AGBL1: variants seen among roughly 807,000 people sequenced by gnomAD.
AGBL1 encodes the protein AGBL carboxypeptidase 1, also known as cytosolic carboxypeptidase 4.
A neutral mutation model predicts 118.9 loss-of-function variants in AGBL1; 130 were observed. That is an observed-to-expected ratio of 1.09 (90% confidence interval 0.95 to 1.26). The LOEUF (loss-of-function observed/expected upper bound fraction) is 1.26. AGBL1 is among the 50% of genes most tolerant of loss of function. The probability of loss-of-function intolerance (pLI) is 0.00; values close to 1 mark genes in which losing one functional copy is unlikely to be tolerated. For synonymous variants in AGBL1, 555 were observed against 478.9 expected (o/e 1.16, Z -2.08); for missense variants, 1,584 against 1,298.1 (o/e 1.22, Z -3.38).
At chr15:86,136,832 A>G (rs944851053) in intron 1 of AGBL1, among the ~76,000 whole-genome samples, 3 of 152,208 alleles carry the variant, frequency 2.0e-5, no homozygotes, top group Non-Finnish European at 2.9e-5. Flanking sequence ...GGAGTGACAC[A>G]TTCAAAACAG....
At chr15:86,255,956 G>T (rs1439920704) in intron 7 of AGBL1, among the ~76,000 whole-genome samples, 2 of 152,164 alleles carry the variant, frequency 1.3e-5, no homozygotes, top group Non-Finnish European at 2.9e-5. Flanking sequence ...ACCCTGTGGT[G>T]TGTACCTAGC....
intron 23 of AGBL1, among the ~76,000 whole-genome samples, chr15:86,954,961 T>A (rs190891633): frequency 6.6e-6 from 1 of 152,320 alleles, no homozygotes; most frequent in East Asian, 1.9e-4. Flanking sequence ...TCTTTACTTA[T>A]ATATCTTTAA....
intron 23 of AGBL1, among the ~76,000 whole-genome samples, chr15:86,928,355 C>A (rs1034365011): frequency 6.6e-6 from 1 of 152,108 alleles, no homozygotes; most frequent in Non-Finnish European, 1.5e-5. Context: ...CCAGGGAGGA[C>A]CTGGCCTAAG....
chr15:86,109,583 TAAAG>T (rs1897244460), intron 1 of AGBL1, among the ~76,000 whole-genome samples: 2 of 151,976 alleles, frequency 1.3e-5, no homozygotes, highest in Non-Finnish European at 2.9e-5. Flanking sequence ...TACTGACAAT[TAAAG>T]AAAAATTTCT....
Position 86,812,149 on chromosome 15 carries a change from G to A in AGBL1, c.3159-94938G>A, listed in dbSNP as rs141802524. On this transcript the variant is annotated intron_variant, in intron 22 of 22. Coordinates refer to ENST00000614907, the MANE Select transcript of AGBL1 (RefSeq NM_001386094.1). ...CCTAGCCTAGTATGACAATGTGTGC[G>A]CTTACTTTTTATTTTTCATATTTTC... is the stretch of plus-strand genomic sequence containing the variant. Among the ~76,000 whole-genome samples the A allele has an allele frequency of 2.0e-3, 309 of 152,226 alleles. 1 individual carries two copies. The highest frequency in any genetic ancestry group is 6.5e-3 in the African/African-American group (271 of 41,538).
chr15:86,769,090 C>T (rs968400503), intron 22 of AGBL1, among the ~76,000 whole-genome samples: 1 of 151,542 alleles, frequency 6.6e-6, no homozygotes, highest in East Asian at 2.0e-4. Context: ...CCAGTGAGGG[C>T]TTGATGGGAC....
At chr15:86,205,137 C>G (rs1004980473) in intron 5 of AGBL1, among the ~76,000 whole-genome samples, 1 of 152,164 alleles carries the variant, frequency 6.6e-6, no homozygotes, top group Non-Finnish European at 1.5e-5. Flanking sequence ...TTCCTTTAAC[C>G]CCAGGCAACC....
At chr15:86,101,734 T>G (rs993372111) in intron 1 of AGBL1, among the ~76,000 whole-genome samples, 6 of 152,120 alleles carry the variant, frequency 3.9e-5, no homozygotes, top group Admixed American at 3.9e-4. Context: ...TATATTTTTC[T>G]ATCCCCTGAC....
intron 1 of AGBL1, among the ~76,000 whole-genome samples, chr15:86,124,097 A>AGC (rs1464937747): frequency 6.6e-6 from 1 of 152,156 alleles, no homozygotes; most frequent in Non-Finnish European, 1.5e-5. Flanking sequence ...TGGGAGGCCG[A>AGC]GGCAGGCAGA....
intron 17 of AGBL1, among the ~76,000 whole-genome samples, chr15:86,356,672 A>G (rs2080726141): frequency 6.6e-6 from 1 of 152,176 alleles, no homozygotes; most frequent in South Asian, 2.1e-4. Flanking sequence ...GGAAGGAAGT[A>G]AGAAGCAGGG....
intron 6 of AGBL1, among the ~76,000 whole-genome samples, chr15:86,226,663 A>C (rs1179379672): frequency 6.6e-6 from 1 of 152,230 alleles, no homozygotes; most frequent in Non-Finnish European, 1.5e-5. Flanking sequence ...ATTCAGGCTC[A>C]GACCGTGTAG....
chr15:86,605,689 G>GT (rs2084565312), intron 21 of AGBL1, among the ~76,000 whole-genome samples: 2 of 152,214 alleles, frequency 1.3e-5, no homozygotes, highest in Middle Eastern at 3.4e-3. Context: ...TTGAAGCCAG[G>GT]TTTTGATTTT....
intron 18 of AGBL1, among the ~76,000 whole-genome samples, chr15:86,424,801 A>G (rs2081843732): frequency 6.6e-6 from 1 of 152,256 alleles, no homozygotes; most frequent in South Asian, 2.1e-4. Flanking sequence ...GCTCATCATC[A>G]CTGGTCATTA....
At chr15:86,526,089 T>C (rs2083258470) in intron 19 of AGBL1, among the ~76,000 whole-genome samples, 4 of 152,132 alleles carry the variant, frequency 2.6e-5, no homozygotes, top group Admixed American at 2.6e-4. Context: ...AGAAGTTATA[T>C]GAGTGACCAA....
At chr15:86,721,704 G>A (rs1471881601) in intron 22 of AGBL1, among the ~76,000 whole-genome samples, 2 of 152,176 alleles carry the variant, frequency 1.3e-5, no homozygotes, top group Non-Finnish European at 2.9e-5. Flanking sequence ...TAGGAAAAGA[G>A]GAAGTCAAAT....
At chr15:87,004,537 C>T (rs926845275) in intron 24 of AGBL1, among the ~76,000 whole-genome samples, 2 of 152,026 alleles carry the variant, frequency 1.3e-5, no homozygotes, top group African/African-American at 4.8e-5. Context: ...TTTCCATTTG[C>T]TTGGTAGATC....
At chr15:86,170,901 C>A (rs1688445753) in intron 5 of AGBL1, among the ~76,000 whole-genome samples, 2 of 145,640 alleles carry the variant, frequency 1.4e-5, no homozygotes, top group Admixed American at 6.7e-5. Context: ...AAAAAAAAAT[C>A]TTCAAAGCAC....
At chr15:86,256,721 C>A (rs893718351) in intron 7 of AGBL1, 132 bp from the exon 8 acceptor site, 2 of 830,278 alleles carry the variant, frequency 2.4e-6, no homozygotes, top group South Asian at 1.8e-5. Context: ...TCTGTCCATG[C>A]GTATAATTCA....
chr15:86,950,048 G>T (rs1244961249), intron 23 of AGBL1, among the ~76,000 whole-genome samples: 1 of 151,744 alleles, frequency 6.6e-6, no homozygotes, highest in East Asian at 1.9e-4. Context: ...TAAGACAGGG[G>T]TGAAATAAAT....
Sources: gnomAD v4.1 joint callset for allele counts (sites outside exome capture counted in the v4.1 genomes callset) on GRCh38, gnomAD v4.1.1 for gene constraint, MANE v1.5 for transcripts, NCBI Gene and HGNC (gene_info 2026-07-23, HGNC 2026-07-21) for gene names.